TUSC3: variants seen among roughly 807,000 people sequenced by gnomAD.
The protein encoded by TUSC3 is tumor suppressor candidate 3.
TUSC3 carries 45 observed loss-of-function variants against 44.8 expected under a neutral mutation model. The observed-to-expected ratio is 1.00, with a 90% CI of 0.79 to 1.29. The LOEUF (loss-of-function observed/expected upper bound fraction) is 1.29. Ranked by LOEUF, TUSC3 falls within the 50% of genes most tolerant of loss-of-function variation. The pLI is 0.00. For synonymous variants in TUSC3, 212 were observed against 152.9 expected, an observed-to-expected ratio of 1.39 and a Z score of -2.85; for missense variants, 519 against 437.9, an observed-to-expected ratio of 1.19 and a Z score of -1.65.
At chr8:15,528,910 T>C (rs772901736) in intron 2 of TUSC3, among the ~76,000 whole-genome samples, 5 of 152,218 alleles carry the variant, frequency 3.3e-5, no homozygotes, top group Admixed American at 1.3e-4. Flanking sequence ...GCATCTGATA[T>C]ATCAGAATTT....
At chr8:15,747,397 G>T (rs1811462949) in intron 8 of TUSC3, among the ~76,000 whole-genome samples, 1 of 151,594 alleles carries the variant, frequency 6.6e-6, no homozygotes, top group Admixed American at 6.6e-5. Context: ...AAGATGTTTA[G>T]ATATTTCTTA....
chr8:15,666,890 A>G (rs1807686911), intron 5 of TUSC3, among the ~76,000 whole-genome samples: 1 of 151,500 alleles, frequency 6.6e-6, no homozygotes, highest in Non-Finnish European at 1.5e-5. Flanking sequence ...AGAAAATAAA[A>G]TGAATTCGTA....
chr8:15,651,899 T>C (rs1806925530), intron 3 of TUSC3, among the ~76,000 whole-genome samples: 1 of 152,226 alleles, frequency 6.6e-6, no homozygotes, highest in African/African-American at 2.4e-5. Flanking sequence ...GTCCAGGCAC[T>C]GTTCAACTTA....
At chr8:15,558,852 A>C (rs1431963159) in intron 1 of TUSC3, among the ~76,000 whole-genome samples, 1 of 150,050 alleles carries the variant, frequency 6.7e-6, no homozygotes, top group African/African-American at 2.4e-5. Flanking sequence ...CGGTGGTGAT[A>C]TCCCCTTTAT....
rs1258272322 is a variant in TUSC3 at position 15,633,236 on chromosome 8, AC to A, written c.308+9988del. ...TATCTCTTTGGCCTGAGACATTAATACAGGTATAGCAGGATCTGTCTTGGTC... is the reference window on the plus strand; with the variant it reads ...TATCTCTTTGGCCTGAGACATTAATAAGGTATAGCAGGATCTGTCTTGGTC... On this transcript the variant is annotated intron_variant, in intron 2 of 10. Coordinates refer to ENST00000503731, the MANE Select transcript of TUSC3 (RefSeq NM_006765.4). 2.0e-5 allele frequency among the ~76,000 whole-genome samples: 3 copies of A among 152,156 alleles called. No individual in the cohort carries two copies. The East Asian group carries it at 5.8e-4, about 29-fold the overall frequency.
intron 1 of TUSC3, among the ~76,000 whole-genome samples, chr8:15,577,928 G>A (rs1803180075): frequency 6.6e-6 from 1 of 150,798 alleles, no homozygotes. Flanking sequence ...TTATGATACT[G>A]ATTCTTCCTA....
chr8:15,768,669 C>G (rs1031023975), downstream of TUSC3, among the ~76,000 whole-genome samples: 4 of 152,126 alleles, frequency 2.6e-5, no homozygotes, highest in African/African-American at 9.7e-5. Flanking sequence ...TTGTAGATGA[C>G]ATGGTTGTAC....
At chr8:15,787,061 G>T in the TUSC3 span, among the ~76,000 whole-genome samples, 5 of 150,798 alleles carry the variant, frequency 3.3e-5, no homozygotes, top group East Asian at 9.8e-4. Flanking sequence ...TGCTTTTTAT[G>T]TCTTTTTAAA....
intron 6 of TUSC3, among the ~76,000 whole-genome samples, chr8:15,702,546 A>G (rs1178400641): frequency 6.6e-6 from 1 of 152,042 alleles, no homozygotes; most frequent in Admixed American, 6.6e-5. Context: ...CTCTCTTTCT[A>G]GGCAACCTGT....
chr8:15,478,938 C>A (rs1018190396), intron 1 of TUSC3, among the ~76,000 whole-genome samples: 1 of 152,146 alleles, frequency 6.6e-6, no homozygotes, highest in Non-Finnish European at 1.5e-5. Context: ...GCCTCGCCAG[C>A]AACTGTTGTT....
chr8:15,475,035 A>G (rs1272493921), intron 1 of TUSC3, among the ~76,000 whole-genome samples: 1 of 152,144 alleles, frequency 6.6e-6, no homozygotes, highest in Non-Finnish European at 1.5e-5. Context: ...GACGATGGCC[A>G]ATTGCTATAA....
At chr8:15,507,019 C>T (rs1801060584) in intron 2 of TUSC3, among the ~76,000 whole-genome samples, 1 of 152,132 alleles carries the variant, frequency 6.6e-6, no homozygotes, top group South Asian at 2.1e-4. Context: ...GGACAATTTC[C>T]TCTGTATCTT....
chr8:15,709,695 T>C (rs10086945), intron 6 of TUSC3, among the ~76,000 whole-genome samples: 2 of 151,570 alleles, frequency 1.3e-5, no homozygotes, highest in Non-Finnish European at 3.0e-5. Context: ...TTAGTCCTTA[T>C]AGTATCCTTA....
chr8:15,428,659 A>T (rs1799834995), intron 1 of TUSC3, among the ~76,000 whole-genome samples: 1 of 152,180 alleles, frequency 6.6e-6, no homozygotes, highest in Admixed American at 6.5e-5. Flanking sequence ...AATGATCGCC[A>T]TTCTAACTGG....
At chr8:15,601,228 C>A (rs147963206) in intron 1 of TUSC3, among the ~76,000 whole-genome samples, 943 of 151,792 alleles carry the variant, frequency 6.2e-3, no homozygotes, top group Middle Eastern at 0.014. Context: ...TACTTATTAT[C>A]ATGGCTGGGT....
In TUSC3 at chr8:15,639,875, T is replaced by C. The variant is rs527317791; in HGVS notation, c.309-10822T>C. Among the ~76,000 whole-genome samples, 3 of 151,558 alleles carry C rather than the reference T, an allele frequency of 2.0e-5. No homozygotes were observed. In the East Asian group the frequency reaches 5.9e-4, roughly 30 times the overall value. ...GATATAGTCCTTTCTTGTGATAGGT[T>C]GTTGTCTTTGTCACCATAATACAGT... On this transcript the variant is annotated intron_variant, in intron 2 of 10. Coordinates refer to ENST00000503731, the MANE Select transcript of TUSC3 (RefSeq NM_006765.4).
At chr8:15,420,378 A>G (rs1049383190) in intron 1 of TUSC3, among the ~76,000 whole-genome samples, 2 of 152,044 alleles carry the variant, frequency 1.3e-5, no homozygotes, top group African/African-American at 4.8e-5. Context: ...AGGCACCTGT[A>G]GTCTCAGCTA....
intron 2 of TUSC3, among the ~76,000 whole-genome samples, 186 bp downstream of exon 2, chr8:15,623,435 G>A (rs1805341806): frequency 6.6e-6 from 1 of 151,824 alleles, no homozygotes; most frequent in African/African-American, 2.4e-5. Context: ...TCTTTTATTG[G>A]GGGCATGTAA....
At chr8:15,492,085 T>C (rs1800816702) in intron 2 of TUSC3, among the ~76,000 whole-genome samples, 3 of 152,182 alleles carry the variant, frequency 2.0e-5, no homozygotes, top group Non-Finnish European at 2.9e-5. Context: ...CACTGACTTA[T>C]TTGTAAACCA....
Sources: allele counts gnomAD v4.1 joint callset (sites outside exome capture counted in the v4.1 genomes callset), GRCh38; gene constraint gnomAD v4.1.1; transcripts MANE v1.5; gene names NCBI Gene and HGNC (gene_info 2026-07-23, HGNC 2026-07-21).